The following MYO16 variants were observed in gnomAD, a reference collection of about 807,000 sequenced individuals.
The protein encoded by MYO16 is unconventional myosin-XVI.
Under a neutral mutation model 205.3 loss-of-function variants are expected in MYO16, and 94 were observed. The observed-to-expected ratio is 0.46, with a 90% CI of 0.39 to 0.54. The LOEUF (loss-of-function observed/expected upper bound fraction) is 0.54, where lower values mean the gene tolerates loss of function less well. Among genes scored for constraint, MYO16 ranks in the 20% least tolerant of loss-of-function variants. The probability of loss-of-function intolerance (pLI) is 0.00; values close to 1 mark genes in which losing one functional copy is unlikely to be tolerated. For missense variants in MYO16, 2,315 were observed against 2,387.5 expected (o/e 0.97, Z 0.63); for synonymous variants, 988 against 954.0 (o/e 1.04, Z -0.66).
intron 31 of MYO16, among the ~76,000 whole-genome samples, chr13:109,132,814 A>G (rs535563758): frequency 1.3e-5 from 2 of 152,232 alleles, no homozygotes; most frequent in Non-Finnish European, 2.9e-5. Context: ...ACAAATAGTA[A>G]TTAAGTGTCT....
intron 17 of MYO16, 103 bp downstream of exon 17, chr13:108,957,902 T>C: frequency 1.1e-6 from 1 of 912,236 alleles, no homozygotes; most frequent in Non-Finnish European, 1.7e-6. Flanking sequence ...ACATTCCAGA[T>C]GTTGCCGAGG....
intron 2 of MYO16, among the ~76,000 whole-genome samples, chr13:108,669,197 C>T (rs1881876272): frequency 6.6e-6 from 1 of 151,836 alleles, no homozygotes; most frequent in South Asian, 2.1e-4. Context: ...AAGGAATGAC[C>T]AGGAAGAAAG....
chr13:108,530,752 T>C, the MYO16 span, among the ~76,000 whole-genome samples: 1 of 152,234 alleles, frequency 6.6e-6, no homozygotes, highest in African/African-American at 2.4e-5. Context: ...ATACTTTTAA[T>C]TACTATTGAG....
chr13:108,625,245 A>C (rs1483983153), upstream of MYO16, among the ~76,000 whole-genome samples: 1 of 152,182 alleles, frequency 6.6e-6, no homozygotes, highest in Non-Finnish European at 1.5e-5. Flanking sequence ...TGGAGTCCTG[A>C]ATCCGAGAGC....
At chr13:108,754,883 T>C (rs1438743666) in intron 4 of MYO16, among the ~76,000 whole-genome samples, 1 of 152,086 alleles carries the variant, frequency 6.6e-6, no homozygotes, top group African/African-American at 2.4e-5. Flanking sequence ...ATAAAAAATA[T>C]AAAGAACATT....
intron 3 of MYO16, among the ~76,000 whole-genome samples, chr13:108,714,045 T>G (rs1336587038): frequency 6.6e-6 from 1 of 152,044 alleles, no homozygotes; most frequent in Non-Finnish European, 1.5e-5. Context: ...TAAGCCTGTT[T>G]TTTTGTTTGT....
chr13:108,938,889 C>T (rs946764737), intron 16 of MYO16, among the ~76,000 whole-genome samples: 1 of 152,230 alleles, frequency 6.6e-6, no homozygotes, highest in Non-Finnish European at 1.5e-5. Flanking sequence ...GCTGGTGAAC[C>T]CATCAATGGC....
chr13:109,173,170 G>C (rs1043530312), intron 33 of MYO16, among the ~76,000 whole-genome samples: 1 of 152,198 alleles, frequency 6.6e-6, no homozygotes, highest in African/African-American at 2.4e-5. Flanking sequence ...CACTTACCAA[G>C]TGCACCTGTC....
intron 23 of MYO16, among the ~76,000 whole-genome samples, chr13:109,045,498 G>A (rs1168423434): frequency 6.6e-6 from 1 of 152,206 alleles, no homozygotes; most frequent in East Asian, 1.9e-4. Flanking sequence ...GGATAATTAG[G>A]TAATGGTTTA....
intron 14 of MYO16, among the ~76,000 whole-genome samples, chr13:108,889,858 C>T (rs1880078814): frequency 6.6e-6 from 1 of 152,176 alleles, no homozygotes; most frequent in East Asian, 1.9e-4. Flanking sequence ...ATTTCCTGGA[C>T]ATGCCACAGT....
intron 1 of MYO16, among the ~76,000 whole-genome samples, chr13:108,615,585 T>TTTCTTTCA (rs1879321266): frequency 1.1e-4 from 17 of 152,064 alleles, no homozygotes; most frequent in Admixed American, 1.0e-3. Flanking sequence ...AAACAAAATG[T>TTTCTTTCA]GGTATACCCA....
At chr13:108,637,802 G>C (rs945698637) in intron 1 of MYO16, among the ~76,000 whole-genome samples, 2 of 152,090 alleles carry the variant, frequency 1.3e-5, no homozygotes, top group African/African-American at 2.4e-5. Flanking sequence ...TTGAACCCAG[G>C]AGGTAAATGT....
At chr13:108,806,874 TG>T in intron 7 of MYO16, 70 bp downstream of exon 7, 1 of 1,164,996 alleles carries the variant, frequency 8.6e-7, no homozygotes, top group Non-Finnish European at 1.1e-6. Context: ...TATTCAATTT[TG>T]ATTTGATTTT....
the MYO16 span, among the ~76,000 whole-genome samples, chr13:108,545,324 T>C: frequency 2.0e-5 from 3 of 152,182 alleles, no homozygotes; most frequent in African/African-American, 7.2e-5. Context: ...CGTTGCTGCA[T>C]AGGACATAAT....
At chr13:109,146,973 T>C (rs1457565987) in intron 32 of MYO16, among the ~76,000 whole-genome samples, 2 of 152,052 alleles carry the variant, frequency 1.3e-5, no homozygotes, top group Non-Finnish European at 2.9e-5. Flanking sequence ...CTTAAGGCAT[T>C]TTAATAAGTA....
chr13:108,572,051 C>T, the MYO16 span, among the ~76,000 whole-genome samples: 1 of 151,896 alleles, frequency 6.6e-6, no homozygotes, highest in African/African-American at 2.4e-5. Context: ...TCCTGAGTAG[C>T]TGGGACTACA....
intron 29 of MYO16, among the ~76,000 whole-genome samples, chr13:109,123,342 CAGG>C (rs1008313652): frequency 6.6e-6 from 1 of 152,176 alleles, no homozygotes; most frequent in Admixed American, 6.5e-5. Context: ...AGTGGGAGGT[CAGG>C]AGAAGTCTGG....
intron 6 of MYO16, among the ~76,000 whole-genome samples, chr13:108,804,915 G>A (rs1005045375): frequency 2.6e-5 from 4 of 152,118 alleles, no homozygotes; most frequent in Admixed American, 6.5e-5. Flanking sequence ...GCCAATTTTT[G>A]CTGTATGGAA....
chr13:108,603,750 T>G (rs940983003), intron 1 of MYO16, among the ~76,000 whole-genome samples: 5 of 151,586 alleles, frequency 3.3e-5, no homozygotes, highest in African/African-American at 7.3e-5. Context: ...AATCATCCTG[T>G]TACAGCTGAC....
Sources: gnomAD v4.1 joint callset for allele counts (sites outside exome capture counted in the v4.1 genomes callset) on GRCh38, gnomAD v4.1.1 for gene constraint, MANE v1.5 for transcripts, NCBI Gene and HGNC (gene_info 2026-07-23, HGNC 2026-07-21) for gene names.